MEI1: variants seen among roughly 807,000 people sequenced by gnomAD.
MEI1 encodes the protein meiosis inhibitor protein 1.
MEI1 carries 103 observed loss-of-function variants against 146.2 expected under a neutral mutation model. The ratio of observed to expected loss-of-function variants is 0.70; its 90% CI spans 0.60 to 0.83. The LOEUF (loss-of-function observed/expected upper bound fraction) is 0.83, where lower values mean the gene tolerates loss of function less well. MEI1 is among the 40% of genes least tolerant of loss of function. MEI1 has a pLI of 0.00. For synonymous variants in MEI1, 652 were observed against 628.2 expected, an observed-to-expected ratio of 1.04 and a Z score of -0.57; for missense variants, 1,529 against 1,533.0, an observed-to-expected ratio of 1.00 and a Z score of 0.04.
intron 26 of MEI1, among the ~76,000 whole-genome samples, chr22:41,793,249 G>A (rs2076250461): frequency 2.6e-5 from 4 of 151,566 alleles, no homozygotes; most frequent in African/African-American, 7.3e-5. Context: ...TCTTGGCCAG[G>A]CTGAACTCCT....
intron 11 of MEI1, among the ~76,000 whole-genome samples, chr22:41,741,773 G>A (rs2072887402): frequency 6.6e-6 from 1 of 151,966 alleles, no homozygotes; most frequent in Non-Finnish European, 1.5e-5. Flanking sequence ...AAGAAACCCC[G>A]TCTCTACTAA....
At chr22:41,706,023 C>T (rs547199147) in intron 3 of MEI1, among the ~76,000 whole-genome samples, 2 of 150,370 alleles carry the variant, frequency 1.3e-5, no homozygotes, top group South Asian at 2.1e-4. Context: ...TTTTCTCTCT[C>T]TCTTCTTTTT....
rs1242921471 is a variant in MEI1, at chr22:41,770,769, G to T, written c.2352G>T (p.Arg784Ser). The change falls in exon 20 of 31, where the codon AGG becomes AGT. Residue 784 changes from arginine (R) to serine (S), a missense_variant. Physicochemically the swap from Arg to Ser is moderately radical, Grantham distance 110. This residue lies in a region of MEI1 where 1,212 missense variants were observed against 1,178.9 expected (regional missense o/e 1.03). Transcript: ENST00000401548. Reference protein sequence around the residue: ...LVYTHHPLLLRFFLLYPELMS... With the variant: ...LVYTHHPLLLSFFLLYPELMS... Reference sequence around the variant, plus strand: ...ATACTCACCATCCGCTCCTGCTCAGGTTCTTTCTGTTGTATCCAGAGCTCA... The same window carrying T: ...ATACTCACCATCCGCTCCTGCTCAGTTTCTTTCTGTTGTATCCAGAGCTCA... 1.3e-5 allele frequency: 21 copies of T among 1,613,790 alleles called. No homozygotes were observed. The highest frequency in any genetic ancestry group is 1.7e-5 in the Non-Finnish European group (20 of 1,179,880).
At chr22:41,699,928 C>T (rs1569127221) in intron 1 of MEI1, among the ~76,000 whole-genome samples, 1 of 152,356 alleles carries the variant, frequency 6.6e-6, no homozygotes, top group East Asian at 1.9e-4. Flanking sequence ...CCGTGGAGCC[C>T]GGTCCACTGG....
At chr22:41,721,719 C>CCTT (rs760700447) in intron 6 of MEI1, among the ~76,000 whole-genome samples, 4 of 102,226 alleles carry the variant, frequency 3.9e-5, no homozygotes, top group East Asian at 3.0e-4. Context: ...AATGCTACCC[C>CCTT]TTTTTTTTTT....
intron 21 of MEI1, 140 bp from the exon 22 acceptor site, chr22:41,778,568 A>G: frequency 1.6e-6 from 1 of 623,216 alleles, no homozygotes; most frequent in Non-Finnish European, 2.9e-6. Context: ...ATAGGAGTAA[A>G]TCCCAACAAA....
At chr22:41,718,370 C>A in intron 6 of MEI1, 96 bp downstream of exon 6, 1 of 1,218,652 alleles carries the variant, frequency 8.2e-7, no homozygotes, top group Non-Finnish European at 1.2e-6. Context: ...GGGAAGTTTG[C>A]TGTTTTGCAA....
At position 41,748,288 on chromosome 22, in the gene MEI1, AAG is replaced by A. The variant is rs1192727302; in HGVS notation, c.1792+75_1792+76del. 6.8e-5 allele frequency: 67 copies of A among 982,938 alleles called. No individual in the cohort carries two copies. The African/African-American group carries it at 8.3e-4, about 12-fold the overall frequency. 60.9% of individuals were successfully genotyped at this position (982,938 alleles called of 1,614,324 possible). On this transcript the variant is annotated intron_variant, in intron 15 of 30. Transcript: ENST00000401548. The stretch of plus-strand genomic sequence containing the variant: ...TTAGGCAATGCTCAGAGAGTATTCA[AAG>A]AGAGGATAAGTTGTGGGTGCACATT...
Position 41,729,766 on chromosome 22 carries a change from C to T in MEI1, c.966C>T (p.His322=), listed in dbSNP as rs566045675. The part of the protein sequence containing the change: ...SPAKHASAFI[H]ADIPEFLFEH... ...CAAAGCATGCGTCAGCCTTCATCCA[C>T]GCTGACATCCCAGGTAGGGGAACAC... The change falls in exon 8 of 31, where the codon CAC becomes CAT. Residue 322 remains histidine (H), a synonymous_variant. Transcript: ENST00000401548. 1.0e-5 allele frequency: 16 copies of T among 1,605,314 alleles called. No homozygotes were observed. The South Asian group carries it at 1.6e-4, about 16-fold the overall frequency.
intron 30 of MEI1, among the ~76,000 whole-genome samples, chr22:41,796,849 AG>A: frequency 6.6e-6 from 1 of 152,252 alleles, no homozygotes. Flanking sequence ...CGGGAGGCTG[AG>A]GCACAAGAAT....
At chr22:41,776,362 C>A in intron 21 of MEI1, 95 bp downstream of exon 21, 1 of 1,372,294 alleles carries the variant, frequency 7.3e-7, no homozygotes, top group South Asian at 1.3e-5. Context: ...GAGAGAGAAT[C>A]AGGGTTTTAT....
At chr22:41,794,086 G>T in intron 27 of MEI1, 176 bp downstream of exon 27, 1 of 684,000 alleles carries the variant, frequency 1.5e-6, no homozygotes, top group Non-Finnish European at 2.5e-6. Context: ...GATCAATAAG[G>T]TTCAGATAGG....
At chr22:41,761,640 T>G (rs947674175) in intron 18 of MEI1, among the ~76,000 whole-genome samples, 1 of 151,748 alleles carries the variant, frequency 6.6e-6, no homozygotes, top group African/African-American at 2.4e-5. Context: ...AAAAAAAAAA[T>G]TATTAAGGTA....
chr22:41,763,119 A>G, intron 18 of MEI1, 55 bp from the exon 19 acceptor site: 5 of 1,591,360 alleles, frequency 3.1e-6, no homozygotes, highest in Non-Finnish European at 4.3e-6. Context: ...AGAATAGAAG[A>G]GCCCAGTGGC....
intron 26 of MEI1, among the ~76,000 whole-genome samples, chr22:41,789,047 CTCAT>C (rs1271857235): frequency 6.6e-6 from 1 of 152,166 alleles, no homozygotes; most frequent in Non-Finnish European, 1.5e-5. Context: ...GGCGCAGTGG[CTCAT>C]GCCTGTAATC....
Position 41,699,506 on chromosome 22 carries a change from A to C in MEI1, c.-33A>C, listed in dbSNP as rs766161575. ...CGCATGCGTGCAGTCTGCGCGGGAA[A>C]GAGTGCCGCCTCAGCTGAGGGCAAG... On this transcript the variant is annotated 5_prime_UTR_variant, in exon 1 of 31. Transcript: ENST00000401548. 3 of 1,588,572 alleles carry C rather than the reference A, an allele frequency of 1.9e-6. No individual in the cohort carries two copies. The highest frequency in any genetic ancestry group is 1.7e-5 in the Admixed American group (1 of 57,926).
intron 26 of MEI1, among the ~76,000 whole-genome samples, chr22:41,791,182 G>A (rs535626483): frequency 6.6e-6 from 1 of 152,260 alleles, no homozygotes; most frequent in South Asian, 2.1e-4. Context: ...CTATCAGACT[G>A]TGTGTTTGAA....
intron 7 of MEI1, 80 bp downstream of exon 7, chr22:41,724,153 C>A: frequency 2.6e-6 from 4 of 1,519,208 alleles, no homozygotes; most frequent in Non-Finnish European, 3.6e-6. Context: ...CTTCATCTAC[C>A]ACTCCTATCT....
Position 41,732,581 on chromosome 22 carries a change from A to AG in MEI1, c.1309_1310insG (p.Lys437ArgfsTer52). Reference sequence around the variant, plus strand: ...GCTGGAGGTGGCTGCTGAGGCCTTGAAGGCCACTTCTGCTTTTCTGAGGTG... The same window carrying AG: ...GCTGGAGGTGGCTGCTGAGGCCTTGAGAGGCCACTTCTGCTTTTCTGAGGTG... On this transcript the variant is annotated frameshift_variant, in exon 11 of 31. Transcript: ENST00000401548. LOFTEE classifies it high-confidence loss of function. The AG allele has an allele frequency of 6.2e-7, 1 of 1,613,482 alleles. No individual in the cohort carries two copies. Among genetic ancestry groups the AG allele is most frequent in the Non-Finnish European group, 8.5e-7 (1 of 1,179,818 alleles).
Sources: allele counts gnomAD v4.1 joint callset (sites outside exome capture counted in the v4.1 genomes callset), GRCh38; gene constraint gnomAD v4.1.1; regional missense constraint gnomAD v4.1.1; transcripts MANE v1.5; gene names NCBI Gene and HGNC (gene_info 2026-07-23, HGNC 2026-07-21).